Variants in TSHZ3 observed in about 807,000 individuals in gnomAD.
The protein encoded by TSHZ3 is teashirt zinc finger homeobox 3, also known as teashirt homolog 3.
A neutral mutation model predicts 64.5 loss-of-function variants in TSHZ3; 10 were observed. The observed-to-expected ratio is 0.16, with a 90% CI of 0.10 to 0.26. The LOEUF is 0.26. Ranked by LOEUF, TSHZ3 falls within the 10% of genes least tolerant of loss-of-function variation. TSHZ3 has a pLI of 1.00. For missense variants in TSHZ3, 1,242 were observed against 1,421.7 expected (o/e 0.87, Z 2.03); for synonymous variants, 608 against 593.1 (o/e 1.03, Z -0.36).
chr19:31,156,729 G>T (rs1166542057), intron 5 of TSHZ3, among the ~76,000 whole-genome samples: 1 of 151,962 alleles, frequency 6.6e-6, no homozygotes, highest in Admixed American at 6.6e-5. Flanking sequence ...AAGATAAAGT[G>T]CAATATGCTT....
intron 5 of TSHZ3, among the ~76,000 whole-genome samples, chr19:31,197,114 C>G (rs1053607380): frequency 3.3e-5 from 5 of 151,906 alleles, no homozygotes; most frequent in African/African-American, 1.2e-4. Context: ...ATTGTCTGCT[C>G]TCAGACCACA....
At chr19:31,306,556 C>T (rs918352910) in intron 1 of TSHZ3, among the ~76,000 whole-genome samples, 2 of 152,032 alleles carry the variant, frequency 1.3e-5, no homozygotes, top group African/African-American at 4.8e-5. Flanking sequence ...CATGCATGGG[C>T]GTGTGTGCGT....
chr19:31,276,807 C>G lies in TSHZ3; in HGVS notation c.2986G>C (p.Glu996Gln). The part of the protein sequence containing the change: ...RTPSTYISHL[E>Q]SHLGFRLRDL... ...CGTAGCCGGAAGCCTAAGTGTGACT[C>G]TAGGTGACTGATGTACGTGGAAGGA... The change falls in exon 2 of 2, where the codon GAG becomes CAG. Residue 996 changes from glutamate (E) to glutamine (Q), a missense_variant. By Grantham distance (29) the Glu-to-Gln change is conservative. Coordinates refer to ENST00000240587, the MANE Select transcript of TSHZ3 (RefSeq NM_020856.4). 2 of 1,614,224 alleles carry G rather than the reference C, an allele frequency of 1.2e-6. No homozygotes were observed. Among genetic ancestry groups the G allele is most frequent in the South Asian group, 2.2e-5 (2 of 91,092 alleles).
intron 3 of TSHZ3, among the ~76,000 whole-genome samples, chr19:31,235,703 T>C (rs1975605810): frequency 2.2e-5 from 3 of 138,752 alleles, no homozygotes; most frequent in Non-Finnish European, 3.1e-5. Context: ...CTTCTTCTTT[T>C]TTTTTTTTTT....
At chr19:31,187,147 C>T (rs1457261814) in intron 5 of TSHZ3, among the ~76,000 whole-genome samples, 5 of 152,148 alleles carry the variant, frequency 3.3e-5, no homozygotes, top group Admixed American at 2.0e-4. Flanking sequence ...TGACTCTAAC[C>T]TTTGTGGGCA....
intron 1 of TSHZ3, among the ~76,000 whole-genome samples, chr19:31,268,798 G>T (rs1976092823): frequency 6.6e-6 from 1 of 152,158 alleles, no homozygotes; most frequent in Admixed American, 6.5e-5. Context: ...TGGCTGGAAG[G>T]CTTGCTAGAG....
rs559211464 is a variant in TSHZ3 at position 31,207,471 on chromosome 19, AG to A, written n.687-2394del. On this transcript the variant is annotated intron_variant and non_coding_transcript_variant, in intron 4 of 6. Transcript: ENST00000651361. ...TTCAGAACCTCAAGTCACAGGGAGAAGCAACTTTTTTTCTCTCTTAATTCCA... is the reference window on the plus strand; with the variant it reads ...TTCAGAACCTCAAGTCACAGGGAGAACAACTTTTTTTCTCTCTTAATTCCA... The A allele has an allele frequency of 1.5e-3, 227 of 152,288 alleles. 1 individual carries two copies. Among genetic ancestry groups the A allele is most frequent in the African/African-American group, 5.4e-3 (223 of 41,560 alleles). 9.4% of individuals were successfully genotyped at this position (152,288 alleles called of 1,614,324 possible).
chr19:31,244,667 A>G (rs1192948832), intron 1 of TSHZ3, among the ~76,000 whole-genome samples: 1 of 152,124 alleles, frequency 6.6e-6, no homozygotes, highest in East Asian at 1.9e-4. Context: ...TAATTGAGAT[A>G]TGGCCTGGCT....
intron 1 of TSHZ3, among the ~76,000 whole-genome samples, chr19:31,341,630 G>GACACACACACACACAC (rs57786287): frequency 7.2e-6 from 1 of 137,988 alleles, no homozygotes; most frequent in Non-Finnish European, 1.6e-5. Context: ...CTCTCTCTCT[G>GACACACACACACACAC]ACACACACAC....
intron 1 of TSHZ3, among the ~76,000 whole-genome samples, chr19:31,311,943 C>CGAA (rs1343417639): frequency 6.6e-6 from 1 of 152,088 alleles, no homozygotes. Flanking sequence ...AGGCTGGTCT[C>CGAA]GAACTCCTGA....
chr19:31,223,242 T>C (rs1187493930), intron 4 of TSHZ3, among the ~76,000 whole-genome samples: 1 of 152,164 alleles, frequency 6.6e-6, no homozygotes, highest in Non-Finnish European at 1.5e-5. Context: ...TACCAACTCA[T>C]AAAATATTAA....
chr19:31,155,083 C>T (rs1974288707), intron 6 of TSHZ3, among the ~76,000 whole-genome samples: 1 of 152,206 alleles, frequency 6.6e-6, no homozygotes, highest in Non-Finnish European at 1.5e-5. Context: ...AAGGACCAGC[C>T]CTGTCTGGAA....
At chr19:31,178,753 A>G (rs566664869) in intron 5 of TSHZ3, among the ~76,000 whole-genome samples, 28 of 152,176 alleles carry the variant, frequency 1.8e-4, no homozygotes, top group Non-Finnish European at 3.5e-4. Flanking sequence ...TACAGAAGGA[A>G]ACTGTGCTCC....
chr19:31,344,302 G>A (rs1002000421), intron 1 of TSHZ3, among the ~76,000 whole-genome samples: 5 of 152,176 alleles, frequency 3.3e-5, no homozygotes, highest in Admixed American at 1.3e-4. Flanking sequence ...ACAGGGGTGT[G>A]ATAAAGCAGC....
upstream of TSHZ3, chr19:31,349,525 C>G (rs1461337891): frequency 1.5e-5 from 5 of 330,406 alleles, no homozygotes; most frequent in Middle Eastern, 1.6e-3. Context: ...GGAGGAGGAC[C>G]GCGCTGCCGG....
chr19:31,349,642 G>A (rs1460663785), upstream of TSHZ3: 1 of 152,686 alleles, frequency 6.5e-6, no homozygotes, highest in South Asian at 2.1e-4. Flanking sequence ...GGTGCGCGGG[G>A]TTCGGGGCTG....
upstream of TSHZ3, chr19:31,349,533 C>A: frequency 3.3e-6 from 1 of 304,292 alleles, no homozygotes; most frequent in South Asian, 1.3e-4. Context: ...ACCGCGCTGC[C>A]GGCGGAATGG....
At chr19:31,230,184 C>T (rs1277014073) in intron 3 of TSHZ3, among the ~76,000 whole-genome samples, 1 of 152,008 alleles carries the variant, frequency 6.6e-6, no homozygotes, top group African/African-American at 2.4e-5. Flanking sequence ...AAGTATGGTG[C>T]ATTATAATCC....
intron 1 of TSHZ3, among the ~76,000 whole-genome samples, chr19:31,268,570 T>TC (rs1976088910): frequency 6.6e-6 from 1 of 152,150 alleles, no homozygotes; most frequent in Non-Finnish European, 1.5e-5. Flanking sequence ...AGGCCACTGA[T>TC]CCCCCAATCC....
Sources: allele counts gnomAD v4.1 joint callset (sites outside exome capture counted in the v4.1 genomes callset), GRCh38; gene constraint gnomAD v4.1.1; transcripts MANE v1.5; gene names NCBI Gene and HGNC (gene_info 2026-07-23, HGNC 2026-07-21).